AGAP9: variants seen among roughly 807,000 people sequenced by gnomAD.
The protein encoded by AGAP9 is arf-GAP with GTPase, ANK repeat and PH domain-containing protein 9.
Under a neutral mutation model 55.6 loss-of-function variants are expected in AGAP9, and 23 were observed. The observed-to-expected ratio is 0.41, with a 90% confidence interval of 0.30 to 0.59. The LOEUF is 0.59. AGAP9 is among the 20% of genes least tolerant of loss of function. The probability of loss-of-function intolerance (pLI) is 0.25; values close to 1 mark genes in which losing one functional copy is unlikely to be tolerated. For synonymous variants in AGAP9, 120 were observed against 305.0 expected (o/e 0.39, Z 6.32); for missense variants, 309 against 808.1 (o/e 0.38, Z 7.49).
At chr10:47,517,250 G>T (rs1840734982) in intron 4 of AGAP9, among the ~76,000 whole-genome samples, 3 of 103,120 alleles carry the variant, frequency 2.9e-5, no homozygotes. Context: ...TTAAAAATAA[G>T]ATTAAATATT....
intron 5 of AGAP9, among the ~76,000 whole-genome samples, 197 bp downstream of exon 5, chr10:47,509,974 G>A (rs1840569587): frequency 7.0e-6 from 1 of 142,404 alleles, no homozygotes; most frequent in East Asian, 2.8e-4. Flanking sequence ...TTCTGGGTTT[G>A]CTTCTTTGCT....
In AGAP9 at chr10:47,502,417, T is replaced by A. The variant is rs1840370100; in HGVS notation, c.1712A>T (p.Tyr571Phe). Reference sequence around the variant, plus strand: ...TGGGGCCAGAAAGAGCTTCTCCTCATATTTGGAACGGATCCACCATTCCTT... The same window carrying A: ...TGGGGCCAGAAAGAGCTTCTCCTCAAATTTGGAACGGATCCACCATTCCTT... ...EEKEWWIRSK[Y>F]EEKLFLAPLP... Residue 571 changes from tyrosine (Y) to phenylalanine (F), a missense_variant, in exon 8 of 8, where the codon TAT (tyrosine) becomes TTT (phenylalanine). Coordinates refer to ENST00000452145, the MANE Select transcript of AGAP9 (RefSeq NM_001190810.1). 1.2e-6 allele frequency: 2 copies of A among 1,610,916 alleles called. No homozygotes were observed. The highest frequency in any genetic ancestry group is 4.1e-4 in the Middle Eastern group (2 of 4,828).
chr10:47,510,032 G>A lies in AGAP9; in HGVS notation c.497+139C>T. 2.1e-5 allele frequency: 30 copies of A among 1,461,838 alleles called. 3 individuals are homozygous for A. Among genetic ancestry groups the A allele is most frequent in the Non-Finnish European group, 2.2e-5 (24 of 1,105,916 alleles). 90.6% of individuals were successfully genotyped at this position (1,461,838 alleles called of 1,614,324 possible). A position where few individuals can be genotyped will look rare whatever the true frequency, so the allele number is the denominator to read the frequency against. On this transcript the variant is annotated intron_variant, in intron 5 of 7. Coordinates refer to ENST00000452145, the MANE Select transcript of AGAP9 (RefSeq NM_001190810.1). The stretch of plus-strand genomic sequence containing the variant: ...GACGTCTAAGATTAAAAGAGAAACT[G>A]ATACTTAATATTCAGAATCTGAATA...
At chr10:47,521,698 C>T (rs1485915827) in intron 2 of AGAP9, among the ~76,000 whole-genome samples, 1 of 150,088 alleles carries the variant, frequency 6.7e-6, no homozygotes, top group Non-Finnish European at 1.5e-5. Context: ...ATTTTAGAGG[C>T]AAACCAACTA....
At position 47,502,556 on chromosome 10, in the gene AGAP9, G is replaced by A; in HGVS notation, c.1573C>T (p.Pro525Ser). 6.2e-7 allele frequency: 1 copy of A among 1,611,802 alleles called. No individual in the cohort carries two copies. Residue 525 changes from proline to serine, a missense_variant, in exon 8 of 8, where the codon CCA becomes TCA. Physicochemically the swap from Pro to Ser is moderately conservative, Grantham distance 74 (BLOSUM62 -1). Transcript: ENST00000452145. ...GACATAACCTTCCTGAGCTCAACTG[G>A]CCAGTCATCCAGCTCCAGAGATCGC... ...RVRSLELDDW[P>S]VELRKVMSSI...
At chr10:47,507,922 T>A (rs1303676150) in intron 5 of AGAP9, among the ~76,000 whole-genome samples, 2 of 85,028 alleles carry the variant, frequency 2.4e-5, no homozygotes, top group Non-Finnish European at 4.5e-5. Context: ...TGACCCAGAG[T>A]CTGTCTCTCT....
chr10:47,502,203 G>T lies in AGAP9; in HGVS notation c.1926C>A (p.Leu642=). 1 of 1,541,852 alleles carries T rather than the reference G, an allele frequency of 6.5e-7. No homozygotes were observed. The highest frequency in any genetic ancestry group is 2.9e-5 in the East Asian group (1 of 34,206). ...CRKGNVVLEQ[L]LTGWTSWPEM... Reference sequence around the variant, plus strand: ...CGGGCCATGACGTCCACCCCGTCAGGAGCTGCTCCAGGACCACATTCCCCT... The same window carrying T: ...CGGGCCATGACGTCCACCCCGTCAGTAGCTGCTCCAGGACCACATTCCCCT... Residue 642 remains leucine, a synonymous_variant, in exon 8 of 8, where the codon CTC becomes CTA. Coordinates refer to ENST00000452145, the MANE Select transcript of AGAP9 (RefSeq NM_001190810.1).
At chr10:47,511,235 G>A (rs1300923603) in intron 4 of AGAP9, among the ~76,000 whole-genome samples, 1 of 141,488 alleles carries the variant, frequency 7.1e-6, no homozygotes, top group Non-Finnish European at 1.5e-5. Flanking sequence ...GAGCCACGGC[G>A]CCCAGTCCTT....
In AGAP9 at chr10:47,502,004, A is replaced by C; in HGVS notation, c.*148T>G. On this transcript the variant is annotated 3_prime_UTR_variant, in exon 8 of 8. Coordinates refer to ENST00000452145, the MANE Select transcript of AGAP9 (RefSeq NM_001190810.1). Reference sequence around the variant, plus strand: ...AGCTGAATTTGTGATTTCCTTTTGAAATTCTGAGTTATCCTTATTTTTCCC... The same window carrying C: ...AGCTGAATTTGTGATTTCCTTTTGACATTCTGAGTTATCCTTATTTTTCCC... The C allele has an allele frequency of 3.7e-6, 5 of 1,347,478 alleles. No homozygotes were observed. Among genetic ancestry groups the C allele is most frequent in the Non-Finnish European group, 5.1e-6 (5 of 984,498 alleles). The allele number at this position is 1,347,478 out of a possible 1,614,324, so 83.5% of individuals were successfully genotyped here. A position where few individuals can be genotyped will look rare whatever the true frequency, so the allele number is the denominator to read the frequency against.
intron 7 of AGAP9, among the ~76,000 whole-genome samples, chr10:47,503,774 A>G (rs1248445000): frequency 1.5e-5 from 2 of 135,392 alleles, no homozygotes; most frequent in East Asian, 2.8e-4. Flanking sequence ...AAAAAAAAAA[A>G]GAAAAAAAAA....
At position 47,502,838 on chromosome 10, in the gene AGAP9, G is replaced by A. The variant is rs1316491662; in HGVS notation, c.1291C>T (p.Arg431Trp). 38 of 1,602,296 alleles carry A rather than the reference G, an allele frequency of 2.4e-5. 2 individuals carry two copies. The East Asian group carries it at 3.9e-4, about 17-fold the overall frequency. The change falls in exon 8 of 8, where the codon CGG becomes TGG. Residue 431 changes from arginine (R) to tryptophan (W), a missense_variant. Arg to Trp is a moderately radical substitution (Grantham distance 101, BLOSUM62 -3). Coordinates refer to ENST00000452145, the MANE Select transcript of AGAP9 (RefSeq NM_001190810.1). ...WHFEATTYEERDAWVQAIQSQ... is the reference protein window; with the variant it reads ...WHFEATTYEEWDAWVQAIQSQ... The stretch of plus-strand genomic sequence containing the variant: ...TGGATGGCTTGGACCCAGGCATCCC[G>A]CTCCTCATACGTCGTGGCTTCAAAG...
intron 5 of AGAP9, 37 bp downstream of exon 5, chr10:47,510,134 A>T (rs1840574193): frequency 8.5e-7 from 1 of 1,180,302 alleles, no homozygotes; most frequent in Non-Finnish European, 1.1e-6. Flanking sequence ...ATTTCCGAAT[A>T]AAGGAATCTG....
In AGAP9 at chr10:47,509,197, T is replaced by C. The variant is rs1326805809; in HGVS notation, c.497+974A>G. 6.3e-5 allele frequency among the ~76,000 whole-genome samples: 8 copies of C among 126,696 alleles called. 2 individuals carry two copies. The highest frequency in any genetic ancestry group is 4.8e-4 in the Admixed American group (6 of 12,490). The allele number at this position is 126,696 out of a possible 152,430, so 83.1% of individuals were successfully genotyped here. On this transcript the variant is annotated intron_variant, in intron 5 of 7. Transcript: ENST00000452145. ...TGAATTATATGCTAACTTATCAAAA[T>C]CTTTGGAACTCAGAAGAAGCCAGGG... is the stretch of plus-strand genomic sequence containing the variant.
At chr10:47,511,133 C>T (rs1436976967) in intron 4 of AGAP9, among the ~76,000 whole-genome samples, 1 of 131,706 alleles carries the variant, frequency 7.6e-6, no homozygotes, top group African/African-American at 3.1e-5. Context: ...TTAGTAGAGA[C>T]GGGGTTTCAC....
intron 6 of AGAP9, among the ~76,000 whole-genome samples, chr10:47,506,790 C>A (rs1375612697): frequency 7.0e-6 from 1 of 143,850 alleles, no homozygotes; most frequent in Non-Finnish European, 1.5e-5. Flanking sequence ...CAGGTGCGTG[C>A]CACCATGCCC....
Position 47,502,294 on chromosome 10 carries a change from C to G in AGAP9, c.1835G>C (p.Arg612Pro). The G allele has an allele frequency of 5.0e-6, 8 of 1,601,332 alleles. No individual in the cohort carries two copies. Among genetic ancestry groups the G allele is most frequent in the Middle Eastern group, 4.4e-4 (2 of 4,510 alleles). Residue 612 changes from arginine (R) to proline (P), a missense_variant, in exon 8 of 8, where the codon CGT becomes CCT. Physicochemically the swap from Arg to Pro is moderately radical, Grantham distance 103. Coordinates refer to ENST00000452145, the MANE Select transcript of AGAP9 (RefSeq NM_001190810.1). ...TAILLLAHGS[R>P]EEVNETCGEG... ...CCCACAGGTCTCGTTCACCTCCTCA[C>G]GGGAGCCATGTGCCAGCAGCAGGAT...
At chr10:47,513,762 A>G (rs1342886528) in intron 4 of AGAP9, among the ~76,000 whole-genome samples, 1 of 138,358 alleles carries the variant, frequency 7.2e-6, no homozygotes, top group African/African-American at 2.6e-5. Flanking sequence ...TTTTCAACAA[A>G]GCCACCTAAA....
At position 47,522,146 on chromosome 10, in the gene AGAP9, G is replaced by T. The variant is rs1278729281; in HGVS notation, c.292+720C>A. Among the ~76,000 whole-genome samples, 4 of 142,798 alleles carry T rather than the reference G, an allele frequency of 2.8e-5. 1 individual carries two copies. The highest frequency in any genetic ancestry group is 6.1e-5 in the Non-Finnish European group (4 of 65,726). The allele number at this position is 142,798 out of a possible 152,430, so 93.7% of individuals were successfully genotyped here. ...TATTGTCAGGAGGGGAAGGGACAAAGGGGGAGCCACGGCAACAAACACTCT... is the reference window on the plus strand; with the variant it reads ...TATTGTCAGGAGGGGAAGGGACAAATGGGGAGCCACGGCAACAAACACTCT... On this transcript the variant is annotated intron_variant, in intron 2 of 7. Coordinates refer to ENST00000452145, the MANE Select transcript of AGAP9 (RefSeq NM_001190810.1).
At chr10:47,503,932 T>G (rs1840414538) in intron 7 of AGAP9, among the ~76,000 whole-genome samples, 1 of 28,532 alleles carries the variant, frequency 3.5e-5, no homozygotes, top group Non-Finnish European at 5.2e-5. Flanking sequence ...AGAAAGAGAG[T>G]CCATCAAAAA....
Sources: gnomAD v4.1 joint callset for allele counts (sites outside exome capture counted in the v4.1 genomes callset) on GRCh38, gnomAD v4.1.1 for gene constraint, MANE v1.5 for transcripts, NCBI Gene and HGNC (gene_info 2026-07-23, HGNC 2026-07-21) for gene names.